Variants in PSAP observed in about 807,000 individuals in gnomAD.
PSAP encodes prosaposin, also known as precursor of saposins.
A neutral mutation model predicts 66.0 loss-of-function variants in PSAP; 25 were observed. The observed-to-expected ratio is 0.38, with a 90% CI of 0.28 to 0.53. The LOEUF is 0.53. PSAP is among the 20% of genes least tolerant of loss of function. PSAP has a pLI of 0.83. For synonymous variants in PSAP, 273 were observed against 258.9 expected (o/e 1.05, Z -0.52); for missense variants, 649 against 668.8 (o/e 0.97, Z 0.33).
intron 8 of PSAP, among the ~76,000 whole-genome samples, chr10:71,820,972 T>C (rs1278250288): frequency 6.6e-6 from 1 of 152,244 alleles, no homozygotes; most frequent in Non-Finnish European, 1.5e-5. Context: ...TTAATTTTGC[T>C]CCATGGTATT....
chr10:71,835,219 A>AAAAT (rs71018228), intron 1 of PSAP, among the ~76,000 whole-genome samples: 17,411 of 147,238 alleles, frequency 0.12, 1,211 homozygotes, highest in East Asian at 0.27. Flanking sequence ...TCCGTTTCAA[A>AAAAT]AAATAAATAA....
chr10:71,829,712 C>T (rs1362126684), intron 4 of PSAP, among the ~76,000 whole-genome samples: 1 of 152,090 alleles, frequency 6.6e-6, no homozygotes, highest in Non-Finnish European at 1.5e-5. Flanking sequence ...TTTAAAGGAA[C>T]AGGAGGCCAG....
chr10:71,818,405 A>C (rs1265087978), intron 13 of PSAP, among the ~76,000 whole-genome samples: 2 of 152,204 alleles, frequency 1.3e-5, no homozygotes, highest in African/African-American at 4.8e-5. Flanking sequence ...TAAATAAATA[A>C]AATCCACCCC....
In PSAP at chr10:71,828,055, T is replaced by C; in HGVS notation, c.679A>G (p.Lys227Glu). ...TFVQALVEHV[K>E]EECDRLGPGM... ...GGGCCCAGGCGGTCACACTCCTCCTTGACATGTTCCACCAAGGCCTGGACA... is the reference window on the plus strand; with the variant it reads ...GGGCCCAGGCGGTCACACTCCTCCTCGACATGTTCCACCAAGGCCTGGACA... The change falls in exon 6 of 14, where the codon AAG becomes GAG. Residue 227 changes from lysine (K) to glutamate (E), a missense_variant. Physicochemically the swap from Lys to Glu is moderately conservative, Grantham distance 56 (BLOSUM62 1). Transcript: ENST00000394936. 1 of 1,614,144 alleles carries C rather than the reference T, an allele frequency of 6.2e-7. No individual in the cohort carries two copies. Among genetic ancestry groups the C allele is most frequent in the Non-Finnish European group, 8.5e-7 (1 of 1,180,024 alleles).
chr10:71,840,372 A>G (rs1205049771), intron 1 of PSAP, among the ~76,000 whole-genome samples: 3 of 152,194 alleles, frequency 2.0e-5, no homozygotes, highest in African/African-American at 7.2e-5. Context: ...TTCTCAGAGG[A>G]ATTCATGCAC....
intron 1 of PSAP, among the ~76,000 whole-genome samples, chr10:71,844,454 T>A (rs894437684): frequency 6.6e-6 from 1 of 152,150 alleles, no homozygotes; most frequent in Admixed American, 6.6e-5. Context: ...ACACCTGAGG[T>A]CAGGAGTTTG....
chr10:71,828,179 T>A lies in PSAP; in HGVS notation c.577-22A>T, dbSNP rs527467567. ...TATCCTACAGAAGAGGCAGTTAGGT[T>A]TGCAACTTAAGAGGACTCAAATTCC... On this transcript the variant is annotated intron_variant, in intron 5 of 13. Coordinates refer to ENST00000394936, the MANE Select transcript of PSAP (RefSeq NM_002778.4). 891 of 1,614,100 alleles carry A rather than the reference T, an allele frequency of 5.5e-4. 12 individuals carry two copies. The South Asian group carries it at 8.9e-3, about 16-fold the overall frequency.
chr10:71,838,671 G>C (rs375827400), intron 1 of PSAP, among the ~76,000 whole-genome samples: 2 of 152,130 alleles, frequency 1.3e-5, no homozygotes, highest in Non-Finnish European at 2.9e-5. Flanking sequence ...TGGGAGGATC[G>C]ATTGAGCCCA....
intron 1 of PSAP, among the ~76,000 whole-genome samples, chr10:71,837,084 TAA>T (rs1842640143): frequency 1.3e-5 from 2 of 152,342 alleles, no homozygotes; most frequent in African/African-American, 4.8e-5. Flanking sequence ...GGTACGCCTA[TAA>T]AGTCAAGTTC....
In PSAP at chr10:71,819,920, C is replaced by T. The variant is rs751608981; in HGVS notation, c.1006-20G>A. On this transcript the variant is annotated intron_variant, in intron 9 of 13. Coordinates refer to ENST00000394936, the MANE Select transcript of PSAP (RefSeq NM_002778.4). Reference sequence around the variant, plus strand: ...TTCTTTCTGAAACACACGAGAGGATCGTGTGAGAAGACGGGAGGCCGGACA... The same window carrying T: ...TTCTTTCTGAAACACACGAGAGGATTGTGTGAGAAGACGGGAGGCCGGACA... 1.7e-5 allele frequency: 27 copies of T among 1,608,890 alleles called. No homozygotes were observed. The highest frequency in any genetic ancestry group is 3.3e-4 in the Middle Eastern group (2 of 6,056).
At chr10:71,820,522 C>T (rs745333599) in intron 8 of PSAP, among the ~76,000 whole-genome samples, 187 bp from the exon 9 acceptor site, 14 of 152,040 alleles carry the variant, frequency 9.2e-5, no homozygotes, top group Non-Finnish European at 1.9e-4. Context: ...CATTCACCCC[C>T]TTCCCCAATC....
At chr10:71,834,348 G>A (rs528822933) in intron 2 of PSAP, 24 bp downstream of exon 2, 1 of 1,612,912 alleles carries the variant, frequency 6.2e-7, no homozygotes, top group Admixed American at 1.7e-5. Flanking sequence ...GCTGCGGCTG[G>A]GACTGGAGGG....
At chr10:71,824,100 TC>T (rs1392472595) in intron 7 of PSAP, among the ~76,000 whole-genome samples, 1 of 152,204 alleles carries the variant, frequency 6.6e-6, no homozygotes, top group Non-Finnish European at 1.5e-5. Flanking sequence ...CTGAAAGCTT[TC>T]CTGGCCCTGC....
chr10:71,836,756 A>C (rs537584049), intron 1 of PSAP, among the ~76,000 whole-genome samples: 2 of 152,346 alleles, frequency 1.3e-5, no homozygotes, highest in South Asian at 4.1e-4. Flanking sequence ...CAGCCCTCTC[A>C]GCAGGGAACT....
chr10:71,850,121 C>T (rs958396290), intron 1 of PSAP, among the ~76,000 whole-genome samples: 2 of 152,178 alleles, frequency 1.3e-5, no homozygotes, highest in Non-Finnish European at 2.9e-5. Context: ...AATTGCCCTG[C>T]AAAGTCTCTT....
rs778420198 is a variant in PSAP at position 71,819,627 on chromosome 10, A to G, written c.1193-5T>C. ...CCTTTGGCTGAGTCACGTGAACTAC[A>G]TAAGAGGGCAGCGGGCTCAACGCTG... On this transcript the variant is annotated splice_polypyrimidine_tract_variant and splice_region_variant and intron_variant, in intron 10 of 13. Transcript: ENST00000394936. The G allele has an allele frequency of 2.2e-5, 35 of 1,614,076 alleles. No individual in the cohort carries two copies. The highest frequency in any genetic ancestry group is 2.8e-5 in the Non-Finnish European group (33 of 1,180,038).
At chr10:71,828,235 C>T in intron 5 of PSAP, 78 bp from the exon 6 acceptor site, 1 of 1,517,850 alleles carries the variant, frequency 6.6e-7, no homozygotes, top group East Asian at 2.3e-5. Context: ...CTCAGGGCTG[C>T]AGCATTAGGG....
At position 71,817,209 on chromosome 10, in the gene PSAP, C is replaced by A; in HGVS notation, c.*232G>T. The A allele has an allele frequency of 1.6e-6, 1 of 616,382 alleles. No homozygotes were observed. 38.2% of individuals were successfully genotyped at this position (616,382 alleles called of 1,614,324 possible). ...AGGGCAGGCTAAAAGACCTCCAGTGCATCAACATCCATCTAGCAGAGAGAA... is the reference window on the plus strand; with the variant it reads ...AGGGCAGGCTAAAAGACCTCCAGTGAATCAACATCCATCTAGCAGAGAGAA... On this transcript the variant is annotated 3_prime_UTR_variant, in exon 14 of 14. Transcript: ENST00000394936.
chr10:71,841,378 A>G (rs1444014810), intron 1 of PSAP, among the ~76,000 whole-genome samples: 3 of 152,254 alleles, frequency 2.0e-5, no homozygotes, highest in Non-Finnish European at 4.4e-5. Flanking sequence ...AAAGTTCCAG[A>G]TATATGTGAG....
Sources: allele counts gnomAD v4.1 joint callset (sites outside exome capture counted in the v4.1 genomes callset), GRCh38; gene constraint gnomAD v4.1.1; transcripts MANE v1.5; gene names NCBI Gene and HGNC (gene_info 2026-07-23, HGNC 2026-07-21).